LRRC28: variants seen among roughly 807,000 people sequenced by gnomAD.
LRRC28 encodes the protein leucine rich repeat containing 28.
LRRC28 carries 39 observed loss-of-function variants against 45.7 expected under a neutral mutation model. That is an observed-to-expected ratio of 0.85 (90% CI 0.66 to 1.12). LRRC28 has a LOEUF of 1.12. Ranked by LOEUF, LRRC28 falls within the 50% of genes most tolerant of loss-of-function variation. The pLI is 0.00. For synonymous variants in LRRC28, 206 were observed against 178.8 expected, an observed-to-expected ratio of 1.15 and a Z score of -1.22; for missense variants, 435 against 438.5, an observed-to-expected ratio of 0.99 and a Z score of 0.07.
At position 99,387,604 on chromosome 15, in the gene LRRC28, G is replaced by A. The variant is rs1038700216; in HGVS notation, c.*1502G>A. 17 of 152,160 alleles carry A rather than the reference G, an allele frequency of 1.1e-4. No homozygotes were observed. The highest frequency in any genetic ancestry group is 3.9e-4 in the African/African-American group (16 of 41,442). The allele number at this position is 152,160 out of a possible 1,614,324, so 9.4% of individuals were successfully genotyped here. A position where few individuals can be genotyped will look rare whatever the true frequency, so the allele number is the denominator to read the frequency against. ...AAAGAACTCTTCATGAAGAAGTCAC[G>A]TATTTGCTCTTCCTTTCAAAGGATG... On this transcript the variant is annotated 3_prime_UTR_variant, in exon 10 of 10. Coordinates refer to ENST00000301981, the MANE Select transcript of LRRC28 (RefSeq NM_144598.5).
chr15:99,292,665 C>T (rs535709023), intron 5 of LRRC28, among the ~76,000 whole-genome samples: 28 of 152,322 alleles, frequency 1.8e-4, no homozygotes, highest in Non-Finnish European at 2.8e-4. Flanking sequence ...CGCCCAGCCT[C>T]GTACAGTCTT....
At chr15:99,334,217 T>C in intron 6 of LRRC28, 88 bp downstream of exon 6, 2 of 1,436,744 alleles carry the variant, frequency 1.4e-6, no homozygotes, top group Non-Finnish European at 1.9e-6. Context: ...TTAGTTTCCT[T>C]CCTTCTGTTT....
At chr15:99,279,023 T>C (rs1346380379) in intron 3 of LRRC28, among the ~76,000 whole-genome samples, 1 of 152,216 alleles carries the variant, frequency 6.6e-6, no homozygotes, top group Non-Finnish European at 1.5e-5. Context: ...CTGTCTTCCA[T>C]CAGAGCAAGC....
intron 9 of LRRC28, among the ~76,000 whole-genome samples, chr15:99,368,545 T>G (rs1034185083): frequency 2.0e-5 from 3 of 152,186 alleles, no homozygotes; most frequent in African/African-American, 7.2e-5. Context: ...GCCCCTGGAA[T>G]TGAGAAGGTT....
intron 9 of LRRC28, among the ~76,000 whole-genome samples, chr15:99,379,917 A>C (rs1488127063): frequency 6.6e-6 from 1 of 152,124 alleles, no homozygotes; most frequent in African/African-American, 2.4e-5. Flanking sequence ...AGTTTGTTGT[A>C]ATTTCTGTTC....
At chr15:99,385,292 G>A (rs995632394) in intron 9 of LRRC28, among the ~76,000 whole-genome samples, 1 of 152,234 alleles carries the variant, frequency 6.6e-6, no homozygotes, top group Non-Finnish European at 1.5e-5. Context: ...CTGGGCCACA[G>A]GGAAAGGCGG....
intron 7 of LRRC28, among the ~76,000 whole-genome samples, chr15:99,358,061 TA>T: frequency 6.6e-6 from 1 of 152,142 alleles, no homozygotes; most frequent in Non-Finnish European, 1.5e-5. Context: ...AAACTCAAGA[TA>T]TGCTACCAAA....
intron 2 of LRRC28, among the ~76,000 whole-genome samples, chr15:99,262,817 T>G (rs2081233797): frequency 6.6e-6 from 1 of 150,800 alleles, no homozygotes; most frequent in Non-Finnish European, 1.5e-5. Context: ...CCCAGCTGAG[T>G]TTTACAACTT....
chr15:99,296,902 A>T (rs2082278407), intron 5 of LRRC28, among the ~76,000 whole-genome samples: 1 of 152,184 alleles, frequency 6.6e-6, no homozygotes, highest in Admixed American at 6.5e-5. Flanking sequence ...GCTAGTGATT[A>T]TCTTGGTACA....
At chr15:99,372,751 G>A (rs141865320) in intron 9 of LRRC28, among the ~76,000 whole-genome samples, 1 of 152,236 alleles carries the variant, frequency 6.6e-6, no homozygotes, top group African/African-American at 2.4e-5. Flanking sequence ...TTTTGCTTGG[G>A]AGCTGTTTTA....
intron 9 of LRRC28, among the ~76,000 whole-genome samples, chr15:99,374,824 C>T (rs201097676): frequency 1.2e-4 from 18 of 151,904 alleles, no homozygotes; most frequent in Middle Eastern, 3.4e-3. Flanking sequence ...CCCACCACCA[C>T]GCCTGGCTAA....
In LRRC28 at chr15:99,346,479, C is replaced by G. The variant is rs8035641; in HGVS notation, c.593-5890C>G. ...AGAAATAAAATTAATGCAGAGTAATCCGTGGTAAACAAAATAGCAAAAATT... is the reference window on the plus strand; with the variant it reads ...AGAAATAAAATTAATGCAGAGTAATGCGTGGTAAACAAAATAGCAAAAATT... On this transcript the variant is annotated intron_variant, in intron 6 of 9. Transcript: ENST00000301981. Among the ~76,000 whole-genome samples, 879 of 152,216 alleles carry G rather than the reference C, an allele frequency of 5.8e-3. 13 individuals are homozygous for G. Among genetic ancestry groups the G allele is most frequent in the African/African-American group, 0.02 (838 of 41,538 alleles).
chr15:99,269,425 T>C (rs2081414565), intron 2 of LRRC28, among the ~76,000 whole-genome samples: 1 of 152,162 alleles, frequency 6.6e-6, no homozygotes. Context: ...TTTTTTTTTT[T>C]TTGGAGACAG....
chr15:99,334,402 A>AGT (rs57298947), intron 6 of LRRC28, among the ~76,000 whole-genome samples: 19,309 of 144,554 alleles, frequency 0.13, 1,588 homozygotes, highest in African/African-American at 0.24. Context: ...GGAATTAAAG[A>AGT]GTGTGTGTGT....
At chr15:99,265,498 A>T (rs1385070274) in intron 2 of LRRC28, among the ~76,000 whole-genome samples, 1 of 152,300 alleles carries the variant, frequency 6.6e-6, no homozygotes, top group Non-Finnish European at 1.5e-5. Context: ...GAAGTTTCTG[A>T]TGATGACACG....
chr15:99,258,078 G>C (rs2081078381), intron 2 of LRRC28: 1 of 1,515,658 alleles, frequency 6.6e-7, no homozygotes, highest in Non-Finnish European at 9.2e-7. Flanking sequence ...ACTGGTGTAG[G>C]AATGACCAGA....
intron 2 of LRRC28, among the ~76,000 whole-genome samples, chr15:99,268,783 A>G (rs888348390): frequency 1.3e-5 from 2 of 152,146 alleles, no homozygotes; most frequent in African/African-American, 4.8e-5. Flanking sequence ...TTTTGTGTGT[A>G]TTTTTATATT....
chr15:99,288,520 T>A (rs1248345754), intron 5 of LRRC28, among the ~76,000 whole-genome samples: 1 of 151,950 alleles, frequency 6.6e-6, no homozygotes, highest in African/African-American at 2.4e-5. Context: ...TAGCTGAGAT[T>A]ACAGGCGCGT....
In LRRC28 at chr15:99,385,746, GT is replaced by G. The variant is rs796070388; in HGVS notation, c.1032-270del. ...GAAACGTAATGTGGAAAAGGCATTT[GT>G]TTTTTTTTTTTTTCTTAGTTTCTAC... is the stretch of plus-strand genomic sequence containing the variant. On this transcript the variant is annotated intron_variant, in intron 9 of 9. Coordinates refer to ENST00000301981, the MANE Select transcript of LRRC28 (RefSeq NM_144598.5). Among the ~76,000 whole-genome samples, 1,246 of 127,202 alleles carry G rather than the reference GT, an allele frequency of 9.8e-3. 15 individuals are homozygous for G. Among genetic ancestry groups the G allele is most frequent in the African/African-American group, 0.032 (1,112 of 34,484 alleles). 83.4% of individuals were successfully genotyped at this position (127,202 alleles called of 152,430 possible). A position where few individuals can be genotyped will look rare whatever the true frequency, so the allele number is the denominator to read the frequency against.
Sources: gnomAD v4.1 joint callset for allele counts (sites outside exome capture counted in the v4.1 genomes callset) on GRCh38, gnomAD v4.1.1 for gene constraint, MANE v1.5 for transcripts, NCBI Gene and HGNC (gene_info 2026-07-23, HGNC 2026-07-21) for gene names.